CEP128: variants seen among roughly 807,000 people sequenced by gnomAD.
CEP128 encodes the protein centrosomal protein 128, also known as centrosomal protein 128kDa.
In CEP128, 132 loss-of-function variants were observed where a neutral mutation model predicts 156.7. The observed-to-expected ratio is 0.84, with a 90% CI of 0.73 to 0.97. The LOEUF is 0.97. Among genes scored for constraint, CEP128 ranks in the 50% least tolerant of loss-of-function variants. The probability of loss-of-function intolerance (pLI) is 0.00; values close to 1 mark genes in which losing one functional copy is unlikely to be tolerated. For missense variants in CEP128, 1,252 were observed against 1,281.9 expected (o/e 0.98, Z 0.36); for synonymous variants, 469 against 448.9 (o/e 1.04, Z -0.57).
chr14:80,736,253 GT>G (rs1328385063), intron 19 of CEP128, among the ~76,000 whole-genome samples: 2 of 84,650 alleles, frequency 2.4e-5, no homozygotes, highest in African/African-American at 8.4e-5. Flanking sequence ...CTAATATAAG[GT>G]TTTAAAAAAA....
At chr14:80,897,418 C>G (rs959774637) in intron 7 of CEP128, among the ~76,000 whole-genome samples, 15 of 152,164 alleles carry the variant, frequency 9.9e-5, no homozygotes, top group African/African-American at 3.6e-4. Context: ...AATTTTACCT[C>G]AACAGAGACT....
chr14:80,675,652 T>A (rs1279884381), intron 19 of CEP128, among the ~76,000 whole-genome samples: 1 of 152,126 alleles, frequency 6.6e-6, no homozygotes, highest in African/African-American at 2.4e-5. Context: ...CATAAGTAGG[T>A]TATATTTTAG....
intron 9 of CEP128, among the ~76,000 whole-genome samples, chr14:80,841,269 T>G (rs557916347): frequency 6.6e-6 from 1 of 152,240 alleles, no homozygotes; most frequent in African/African-American, 2.4e-5. Flanking sequence ...ATTTTAGTGT[T>G]TAGACTTAGC....
At chr14:80,777,423 C>T (rs1201576139) in intron 16 of CEP128, among the ~76,000 whole-genome samples, 1 of 152,132 alleles carries the variant, frequency 6.6e-6, no homozygotes, top group Non-Finnish European at 1.5e-5. Context: ...CTTGGACTTC[C>T]CAGCCTCCAG....
intron 23 of CEP128, among the ~76,000 whole-genome samples, chr14:80,517,706 T>C (rs913736908): frequency 6.6e-6 from 1 of 152,206 alleles, no homozygotes; most frequent in Non-Finnish European, 1.5e-5. Context: ...CCTGGGGTTC[T>C]TGGCCTCACA....
chr14:80,858,422 A>G (rs1305258900), intron 9 of CEP128, among the ~76,000 whole-genome samples: 1 of 121,950 alleles, frequency 8.2e-6, no homozygotes, highest in African/African-American at 3.2e-5. Flanking sequence ...CTTAAACGTT[A>G]GACCTAAAAC....
intron 19 of CEP128, among the ~76,000 whole-genome samples, chr14:80,601,275 T>A (rs558318928): frequency 6.6e-6 from 1 of 152,274 alleles, no homozygotes; most frequent in African/African-American, 2.4e-5. Flanking sequence ...GATAGGGATG[T>A]GTTCTGAGAA....
chr14:80,898,325 T>C (rs1210259602), intron 7 of CEP128, among the ~76,000 whole-genome samples: 1 of 152,212 alleles, frequency 6.6e-6, no homozygotes, highest in African/African-American at 2.4e-5. Flanking sequence ...GTAGTACAAG[T>C]AAAGCAGAAC....
chr14:80,912,079 T>C (rs1246988373), intron 4 of CEP128, among the ~76,000 whole-genome samples: 1 of 151,994 alleles, frequency 6.6e-6, no homozygotes, highest in African/African-American at 2.4e-5. Flanking sequence ...TAACTGGGCG[T>C]AGTGGCATGC....
rs1894658952 is a variant in CEP128, at chr14:80,646,970, C to T, written c.2807-66547G>A. Reference sequence around the variant, plus strand: ...ATTTTTTAGAAGTAGAATGCTAGGCCAAAAGGTGCTTTTATTTATAAGAAA... The same window carrying T: ...ATTTTTTAGAAGTAGAATGCTAGGCTAAAAGGTGCTTTTATTTATAAGAAA... On this transcript the variant is annotated intron_variant, in intron 19 of 24. Transcript: ENST00000555265. 3.4e-5 allele frequency among the ~76,000 whole-genome samples: 4 copies of T among 118,644 alleles called. No homozygotes were observed. The South Asian group carries it at 1.1e-3, about 31-fold the overall frequency. 77.8% of individuals were successfully genotyped at this position (118,644 alleles called of 152,430 possible).
intron 19 of CEP128, among the ~76,000 whole-genome samples, chr14:80,593,170 C>A (rs1057204148): frequency 6.6e-6 from 1 of 151,918 alleles, no homozygotes; most frequent in Admixed American, 6.6e-5. Context: ...CAAGAGAATA[C>A]CAGAAATAAA....
chr14:80,692,409 T>A (rs754945032), intron 19 of CEP128, among the ~76,000 whole-genome samples: 1 of 152,108 alleles, frequency 6.6e-6, no homozygotes. Context: ...TCATGTTAGA[T>A]GACATCAAAG....
intron 2 of CEP128, among the ~76,000 whole-genome samples, chr14:80,929,768 T>C (rs1288575144): frequency 6.6e-6 from 1 of 152,088 alleles, no homozygotes; most frequent in African/African-American, 2.4e-5. Flanking sequence ...TTGGGTACAA[T>C]GTACACTACT....
chr14:80,530,889 G>A lies in CEP128; in HGVS notation c.2881-3C>T, dbSNP rs775849670. On this transcript the variant is annotated splice_region_variant and splice_polypyrimidine_tract_variant and intron_variant, in intron 21 of 24. Coordinates refer to ENST00000555265, the MANE Select transcript of CEP128 (RefSeq NM_152446.5). ...TGGTCCAAGGCCACTTGGGTACTCT[G>A]AAATAGAAAACATAAGGAAACCAAA... The A allele has an allele frequency of 4.4e-6, 7 of 1,591,472 alleles. No individual in the cohort carries two copies. The highest frequency in any genetic ancestry group is 6.0e-6 in the Non-Finnish European group (7 of 1,166,472).
At chr14:80,655,246 C>T (rs1374122093) in intron 19 of CEP128, among the ~76,000 whole-genome samples, 1 of 152,150 alleles carries the variant, frequency 6.6e-6, no homozygotes. Flanking sequence ...TTATTTATAT[C>T]TCCATCCCTA....
intron 9 of CEP128, among the ~76,000 whole-genome samples, chr14:80,854,456 G>GT (rs1230359712): frequency 2.0e-5 from 3 of 152,122 alleles, no homozygotes; most frequent in African/African-American, 7.2e-5. Flanking sequence ...ATGCAAAGGT[G>GT]TATATATAGT....
At position 80,785,038 on chromosome 14, in the gene CEP128, G is replaced by A. The variant is rs750252336; in HGVS notation, c.2068C>T (p.Arg690Ter). Residue 690 changes from arginine to a stop codon, truncating the protein, a stop_gained, in exon 15 of 25, where the codon CGA becomes TGA. Coordinates refer to ENST00000555265, the MANE Select transcript of CEP128 (RefSeq NM_152446.5). LOFTEE classifies it high-confidence loss of function. The stretch of plus-strand genomic sequence containing the variant: ...TTCAGCTCCCTCTGGTGCACATCTC[G>A]TTCCAGCTTTAACTGTGTGATGATT... ...ATIITQLKLE[R>*]DVHQRELKDL... The A allele has an allele frequency of 3.7e-6, 6 of 1,614,156 alleles. No individual in the cohort carries two copies. The highest frequency in any genetic ancestry group is 1.3e-5 in the African/African-American group (1 of 75,050).
intron 19 of CEP128, among the ~76,000 whole-genome samples, chr14:80,630,121 T>C (rs1205448064): frequency 6.6e-6 from 1 of 151,988 alleles, no homozygotes; most frequent in Non-Finnish European, 1.5e-5. Flanking sequence ...GTTCTAGTAG[T>C]GGTCAATGTA....
chr14:80,481,577 T>C (rs1294166849), intron 14 of CEP128, among the ~76,000 whole-genome samples: 1 of 152,216 alleles, frequency 6.6e-6, no homozygotes, highest in Non-Finnish European at 1.5e-5. Context: ...GTGCAGAATG[T>C]TATTGTATAC....
Sources: allele counts gnomAD v4.1 joint callset (sites outside exome capture counted in the v4.1 genomes callset), GRCh38; gene constraint gnomAD v4.1.1; transcripts MANE v1.5; gene names NCBI Gene and HGNC (gene_info 2026-07-23, HGNC 2026-07-21).